The following GUCY2F variants were observed in gnomAD, a reference collection of about 807,000 sequenced individuals.
The protein encoded by GUCY2F is guanylate cyclase 2F, retinal.
Under a neutral mutation model 73.1 loss-of-function variants are expected in GUCY2F, and 61 were observed. The observed-to-expected ratio is 0.83, with a 90% CI of 0.68 to 1.03. GUCY2F has a LOEUF of 1.03. Among genes scored for constraint, GUCY2F ranks in the 50% least tolerant of loss-of-function variants. The probability of loss-of-function intolerance (pLI) is 0.00; values close to 1 mark genes in which losing one functional copy is unlikely to be tolerated. For missense variants in GUCY2F, 912 were observed against 854.3 expected, an observed-to-expected ratio of 1.07 and a Z score of -0.84; for synonymous variants, 331 against 307.8, an observed-to-expected ratio of 1.08 and a Z score of -0.79.
intron 17 of GUCY2F, among the ~76,000 whole-genome samples, chrX:109,379,723 T>C (rs762362216): frequency 2.7e-5 from 3 of 112,387 alleles, no homozygotes; most frequent in Non-Finnish European, 5.6e-5. Flanking sequence ...ACAGGACTCA[T>C]GTACGAGAAA....
chrX:109,401,961 G>T (rs1373136120), intron 10 of GUCY2F, among the ~76,000 whole-genome samples: 1 of 111,435 alleles, frequency 9.0e-6, no homozygotes, highest in Non-Finnish European at 1.9e-5. Context: ...ATAAAGCAGG[G>T]GGGTAGTGGT....
chrX:109,475,111 T>C, intron 2 of GUCY2F, 96 bp downstream of exon 2: 7 of 855,898 alleles, frequency 8.2e-6, no homozygotes, highest in Non-Finnish European at 1.2e-5. Context: ...TGGGAAGGGA[T>C]GTGCTACCCT....
intron 8 of GUCY2F, among the ~76,000 whole-genome samples, chrX:109,421,117 CAT>C (rs1484354981): frequency 1.3e-4 from 14 of 111,539 alleles, no homozygotes; most frequent in East Asian, 5.6e-4. Flanking sequence ...TGTTGGCAAA[CAT>C]GTGGAGAAAT....
rs144354113 is a variant in GUCY2F at position 109,373,630 on chromosome X, A to G, written c.*2-631T>C. Among the ~76,000 whole-genome samples the G allele has an allele frequency of 3.3e-3, 368 of 111,924 alleles. 11 individuals carry two copies. In the East Asian group the frequency reaches 0.056, roughly 17 times the overall value. On this transcript the variant is annotated intron_variant, in intron 19 of 19. Coordinates refer to ENST00000218006, the MANE Select transcript of GUCY2F (RefSeq NM_001522.3). ...GACCCTCTATTCTTCAAAACTGCCAACTTCCCCATTTCTCCTTGTCCTAAT... is the reference window on the plus strand; with the variant it reads ...GACCCTCTATTCTTCAAAACTGCCAGCTTCCCCATTTCTCCTTGTCCTAAT...
intron 7 of GUCY2F, among the ~76,000 whole-genome samples, chrX:109,436,959 GA>G (rs755759432): frequency 4.3e-4 from 40 of 93,063 alleles, no homozygotes; most frequent in South Asian, 1.9e-3. Context: ...GAAAAAAGAA[GA>G]AAAAAAAGAA....
chrX:109,418,872 G>T (rs187146364), intron 8 of GUCY2F, among the ~76,000 whole-genome samples: 2 of 109,545 alleles, frequency 1.8e-5, no homozygotes, highest in South Asian at 3.8e-4. Context: ...AAGACAAAAA[G>T]AAAAAGAAAA....
intron 17 of GUCY2F, among the ~76,000 whole-genome samples, chrX:109,380,274 G>A (rs895094000): frequency 3.4e-4 from 38 of 111,886 alleles, no homozygotes; most frequent in African/African-American, 1.2e-3. Context: ...AGTGGATGAG[G>A]AGTGAAAATA....
At chrX:109,434,592 TG>T (rs1931692367) in intron 7 of GUCY2F, among the ~76,000 whole-genome samples, 1 of 110,364 alleles carries the variant, frequency 9.1e-6, no homozygotes, top group Non-Finnish European at 1.9e-5. Context: ...TTCACTCTGA[TG>T]GTAGTTTCTT....
chrX:109,409,760 C>T (rs1287044749), intron 8 of GUCY2F, among the ~76,000 whole-genome samples: 2 of 111,374 alleles, frequency 1.8e-5, no homozygotes, highest in African/African-American at 6.5e-5. Context: ...AGTTCCCCTG[C>T]ACATGTCCTC....
intron 8 of GUCY2F, among the ~76,000 whole-genome samples, chrX:109,414,372 A>G (rs1439267084): frequency 9.0e-6 from 1 of 111,616 alleles, no homozygotes; most frequent in Non-Finnish European, 1.9e-5. Context: ...CTATTGTTCA[A>G]GACCTCCTAT....
At chrX:109,408,016 C>A (rs1050906917) in intron 9 of GUCY2F, among the ~76,000 whole-genome samples, 3 of 112,127 alleles carry the variant, frequency 2.7e-5, no homozygotes, top group Admixed American at 9.4e-5. Context: ...GGCCACCATT[C>A]TCCAGATCCA....
chrX:109,400,480 G>A (rs1261941031), intron 10 of GUCY2F, among the ~76,000 whole-genome samples: 1 of 111,875 alleles, frequency 8.9e-6, no homozygotes, highest in Non-Finnish European at 1.9e-5. Flanking sequence ...AAAGTCCTAT[G>A]AAATAGGAAG....
chrX:109,446,670 C>T (rs1156779709), intron 6 of GUCY2F, among the ~76,000 whole-genome samples: 4 of 111,829 alleles, frequency 3.6e-5, no homozygotes, highest in Non-Finnish European at 5.6e-5. Flanking sequence ...ACCATAAAAA[C>T]CCTAGAAGAA....
rs149713239 is a variant in GUCY2F, at chrX:109,448,097, G to A, written c.1541C>T (p.Thr514Met). The change falls in exon 6 of 20, where the codon ACG becomes ATG. Residue 514 changes from threonine to methionine, a missense_variant. Coordinates refer to ENST00000218006, the MANE Select transcript of GUCY2F (RefSeq NM_001522.3). ...ACTGCCAAAGTGGGGATTGATAAAC[G>A]TTACATCCTCCAAAGTCAGTAGAAT... ...NRILLTLEDV[T>M]FINPHFGSKR... 2.7e-6 allele frequency: 3 copies of A among 1,110,419 alleles called. No individual in the cohort carries two copies. The highest frequency in any genetic ancestry group is 1.8e-5 in the South Asian group (1 of 54,601). 91.5% of individuals were successfully genotyped at this position (1,110,419 alleles called of 1,213,427 possible).
In GUCY2F at chrX:109,441,477, T is replaced by A; in HGVS notation, c.1575A>T (p.Gly525=). The A allele has an allele frequency of 8.5e-7, 1 of 1,173,805 alleles. No homozygotes were observed. Among genetic ancestry groups the A allele is most frequent in the African/African-American group, 1.8e-5 (1 of 56,549 alleles). ...FINPHFGSKR[G]SRASVSFQIT... The stretch of plus-strand genomic sequence containing the variant: ...TCTGGAAGCTTACACTGGCACGACT[T>A]CCTCTCTGTGAAAGGATTAGGAAAG... Residue 525 remains glycine, a synonymous_variant, in exon 7 of 20, where the codon GGA becomes GGT. Transcript: ENST00000218006.
rs1244074349 is a variant in GUCY2F, at chrX:109,481,861, C to T, written c.-86+5G>A. On this transcript the variant is annotated splice_donor_5th_base_variant and intron_variant, in intron 1 of 19. Transcript: ENST00000218006. ...TCTTATAAACAAGAGCTGTCAACTA[C>T]TCACCAAGTAATTCACCGCTCAAAT... 1 of 111,117 alleles carries T rather than the reference C, an allele frequency of 9.0e-6. No individual in the cohort carries two copies. The highest frequency in any genetic ancestry group is 9.5e-5 in the Admixed American group (1 of 10,474). The allele number at this position is 111,117 out of a possible 1,213,427, so 9.2% of individuals were successfully genotyped here.
intron 7 of GUCY2F, among the ~76,000 whole-genome samples, chrX:109,436,121 A>G (rs1406437980): frequency 8.9e-6 from 1 of 111,786 alleles, no homozygotes; most frequent in Admixed American, 9.5e-5. Flanking sequence ...AAAAGTGGGC[A>G]AAGGATATGA....
intron 9 of GUCY2F, among the ~76,000 whole-genome samples, chrX:109,407,559 C>T (rs1257369440): frequency 8.8e-6 from 1 of 113,008 alleles, no homozygotes. Context: ...GTCCCCAGGC[C>T]ACATCAGAGA....
rs759528234 is a variant in GUCY2F, at chrX:109,475,617, G to A, written c.320C>T (p.Ser107Leu). ...GGAAATGAAACTGGAGAGAGCCCTC[G>A]AAGTCTGGCAGTCTTCATTGAGAAT... ...YVILNEDCQT[S>L]RALSSFISHH... The change falls in exon 2 of 20, where the codon TCG (serine) becomes TTG (leucine). Residue 107 changes from serine (S) to leucine (L), a missense_variant. Physicochemically the swap from Ser to Leu is moderately radical, Grantham distance 145 (BLOSUM62 -2). Transcript: ENST00000218006. 7 of 1,210,057 alleles carry A rather than the reference G, an allele frequency of 5.8e-6. No homozygotes were observed. The South Asian group carries it at 8.8e-5, about 15-fold the overall frequency.
Sources: gnomAD v4.1 joint callset for allele counts (sites outside exome capture counted in the v4.1 genomes callset) on GRCh38, gnomAD v4.1.1 for gene constraint, MANE v1.5 for transcripts, NCBI Gene and HGNC (gene_info 2026-07-23, HGNC 2026-07-21) for gene names.